BRCC3: variants seen among roughly 807,000 people sequenced by gnomAD.
The protein encoded by BRCC3 is lys-63-specific deubiquitinase BRCC36.
A neutral mutation model predicts 28.0 loss-of-function variants in BRCC3; 15 were observed. The ratio of observed to expected loss-of-function variants is 0.54; its 90% CI spans 0.36 to 0.82. BRCC3 has a LOEUF of 0.82. Ranked by LOEUF, BRCC3 falls within the 40% of genes least tolerant of loss-of-function variation. BRCC3 has a pLI of 0.01. For synonymous variants in BRCC3, 66 were observed against 80.3 expected (o/e 0.82, Z 0.95); for missense variants, 109 against 225.9 (o/e 0.48, Z 3.32).
Position 155,099,366 on chromosome X carries a change from T to G in BRCC3, c.548+8527T>G, listed in dbSNP as rs372306391. 19 of 1,206,468 alleles carry G rather than the reference T, an allele frequency of 1.6e-5. No individual in the cohort carries two copies. In the African/African-American group the frequency reaches 3.2e-4, roughly 20 times the overall value. On this transcript the variant is annotated intron_variant, in intron 7 of 10. Transcript: ENST00000330045. The stretch of plus-strand genomic sequence containing the variant: ...GGAGCTCCAGCCAGCACATCTCCAT[T>G]GAGGGCCAGAAGGAAGAGGAAAGGT...
Position 155,077,215 on chromosome X carries a change from C to A in BRCC3, c.241C>A (p.Arg81=). The part of the protein sequence containing the change: ...IVHIHSVIIL[R]RSDKRKDRVE... ...TCACATTCATTCTGTCATCATCTTACGACGTTCTGATAAGAGGAAGGACCG... is the reference window on the plus strand; with the variant it reads ...TCACATTCATTCTGTCATCATCTTAAGACGTTCTGATAAGAGGAAGGACCG... Residue 81 remains arginine, a synonymous_variant, in exon 4 of 11, where the codon CGA becomes AGA. Transcript: ENST00000330045. The A allele has an allele frequency of 2.5e-6, 3 of 1,191,336 alleles. No individual in the cohort carries two copies. Among genetic ancestry groups the A allele is most frequent in the Non-Finnish European group, 3.4e-6 (3 of 882,140 alleles).
intron 7 of BRCC3, among the ~76,000 whole-genome samples, chrX:155,113,528 G>A (rs1323480476): frequency 9.0e-6 from 1 of 110,938 alleles, no homozygotes; most frequent in African/African-American, 3.3e-5. Context: ...ATAAGACCCC[G>A]AACTACAAAA....
At chrX:155,099,300 G>A in intron 7 of BRCC3, 2 of 1,206,443 alleles carry the variant, frequency 1.7e-6, no homozygotes, top group Non-Finnish European at 2.2e-6. Context: ...CTTGGTGTGT[G>A]GTTTCCATCC....
At position 155,075,360 on chromosome X, in the gene BRCC3, C is replaced by T. The variant is rs1557293448; in HGVS notation, c.196-1810C>T. Among the ~76,000 whole-genome samples, 25 of 57,773 alleles carry T rather than the reference C, an allele frequency of 4.3e-4. 1 individual carries two copies. Among genetic ancestry groups the T allele is most frequent in the Admixed American group, 3.6e-3 (20 of 5,577 alleles). The allele number at this position is 57,773 out of a possible 115,157, so 50.2% of individuals were successfully genotyped here. ...CCCTTGATTCAGGCCAAGACCTCTG[C>T]TCCCTTTCTCCACACCTTTTTTGTC... is the stretch of plus-strand genomic sequence containing the variant. On this transcript the variant is annotated intron_variant, in intron 3 of 10. Transcript: ENST00000330045.
At chrX:155,099,187 T>G (rs923187855) in intron 7 of BRCC3, 363 of 425,848 alleles carry the variant, frequency 8.5e-4, no homozygotes, top group Middle Eastern at 3.0e-3. Context: ...TTAGAAATGT[T>G]TTTTTTTTTT....
intron 7 of BRCC3, among the ~76,000 whole-genome samples, chrX:155,110,586 T>C (rs1486901020): frequency 9.1e-6 from 1 of 110,338 alleles, no homozygotes; most frequent in Non-Finnish European, 1.9e-5. Flanking sequence ...TTGATCAGTC[T>C]TGGTGGGGGT....
chrX:155,072,429 C>A, intron 2 of BRCC3, 86 bp downstream of exon 2: 1 of 724,063 alleles, frequency 1.4e-6, no homozygotes, highest in Non-Finnish European at 2.1e-6. Context: ...GTATTGTGTC[C>A]GGATCGTGTC....
intron 1 of BRCC3, 133 bp downstream of exon 1, chrX:155,071,783 T>C: frequency 5.4e-6 from 4 of 738,781 alleles, no homozygotes; most frequent in Non-Finnish European, 7.7e-6. Flanking sequence ...ACCCTTTACA[T>C]AGCTCTGTCG....
At chrX:155,074,743 A>G (rs1336082608) in intron 3 of BRCC3, among the ~76,000 whole-genome samples, 1 of 111,958 alleles carries the variant, frequency 8.9e-6, no homozygotes. Flanking sequence ...TAGATATTAA[A>G]CTTTATTAGT....
At chrX:155,090,045 A>G (rs782787706) in intron 6 of BRCC3, among the ~76,000 whole-genome samples, 3 of 112,505 alleles carry the variant, frequency 2.7e-5, no homozygotes, top group African/African-American at 9.7e-5. Context: ...ACTACCATTT[A>G]TCACCTATTG....
chrX:155,090,790 C>T lies in BRCC3; in HGVS notation c.499C>T (p.Arg167Trp), dbSNP rs189136889. The T allele has an allele frequency of 2.5e-6, 3 of 1,191,683 alleles. No homozygotes were observed. The highest frequency in any genetic ancestry group is 1.8e-5 in the African/African-American group (1 of 56,618). Residue 167 changes from arginine (R) to tryptophan (W), a missense_variant, in exon 7 of 11, where the codon CGG becomes TGG. Transcript: ENST00000330045. ...TTCTTTTTTCCTTTGATAGACTGGCCGGGTACTCTACACTTGCTTCCAATC... is the reference window on the plus strand; with the variant it reads ...TTCTTTTTTCCTTTGATAGACTGGCTGGGTACTCTACACTTGCTTCCAATC... ...FIEDKNTKTG[R>W]VLYTCFQSIQ...
Position 155,102,552 on chromosome X carries a change from G to A in BRCC3, c.548+11713G>A, listed in dbSNP as rs1003807791. On this transcript the variant is annotated intron_variant, in intron 7 of 10. Coordinates refer to ENST00000330045, the MANE Select transcript of BRCC3 (RefSeq NM_001018055.3). The stretch of plus-strand genomic sequence containing the variant: ...GCAGTTTCACTTGTTTCTTTCCAAT[G>A]TGGATGCCTTCTGTTTATTTATTTA... 7.1e-5 allele frequency among the ~76,000 whole-genome samples: 8 copies of A among 111,894 alleles called. 1 individual carries two copies. In the Admixed American group the frequency reaches 7.6e-4, roughly 11 times the overall value.
At chrX:155,085,045 C>T (rs1557294614) in intron 5 of BRCC3, among the ~76,000 whole-genome samples, 2 of 111,884 alleles carry the variant, frequency 1.8e-5, no homozygotes, top group Non-Finnish European at 3.8e-5. Context: ...TTTCCAATGG[C>T]CTCCACATGT....
At chrX:155,118,862 T>C (rs1438597659) in intron 9 of BRCC3, among the ~76,000 whole-genome samples, 2 of 111,681 alleles carry the variant, frequency 1.8e-5, no homozygotes, top group Non-Finnish European at 3.8e-5. Context: ...ATATCCAAAT[T>C]ATAACATGGG....
At position 155,116,750 on chromosome X, in the gene BRCC3, C is replaced by A; in HGVS notation, c.720C>A (p.Gly240=). ...HLDSVTKIHN[G]SVFTKNLCSQ... is the part of the protein sequence containing the mutation. ...ACTCAGTAACCAAGATCCATAATGGCTCAGGTAAGAATTGTTTCTTGAGTA... is the reference window on the plus strand; with the variant it reads ...ACTCAGTAACCAAGATCCATAATGGATCAGGTAAGAATTGTTTCTTGAGTA... Residue 240 remains glycine, a synonymous_variant, in exon 9 of 11, where the codon GGC becomes GGA. Coordinates refer to ENST00000330045, the MANE Select transcript of BRCC3 (RefSeq NM_001018055.3). 8.6e-7 allele frequency: 1 copy of A among 1,164,746 alleles called. No individual in the cohort carries two copies.
intron 7 of BRCC3, among the ~76,000 whole-genome samples, chrX:155,091,828 T>C (rs2074177572): frequency 9.2e-6 from 1 of 109,274 alleles, no homozygotes. Context: ...TTGGTAGTAA[T>C]ACACAAATAT....
At chrX:155,107,550 C>G (rs943163621) in intron 7 of BRCC3, among the ~76,000 whole-genome samples, 2 of 110,760 alleles carry the variant, frequency 1.8e-5, no homozygotes, top group Non-Finnish European at 1.9e-5. Context: ...TGGCCAATGT[C>G]TAGTCATTTT....
intron 7 of BRCC3, among the ~76,000 whole-genome samples, chrX:155,092,759 C>T (rs891048907): frequency 9.0e-6 from 1 of 110,907 alleles, no homozygotes; most frequent in Non-Finnish European, 1.9e-5. Flanking sequence ...CATTCTGGGA[C>T]TTTCCTTCAT....
At chrX:155,072,887 C>T (rs1404786893) in intron 2 of BRCC3, among the ~76,000 whole-genome samples, 2 of 110,686 alleles carry the variant, frequency 1.8e-5, no homozygotes, top group Non-Finnish European at 3.8e-5. Context: ...TTCTGTCTCC[C>T]CTTAAATGCC....
Sources: allele counts gnomAD v4.1 joint callset (sites outside exome capture counted in the v4.1 genomes callset), GRCh38; gene constraint gnomAD v4.1.1; transcripts MANE v1.5; gene names NCBI Gene and HGNC (gene_info 2026-07-23, HGNC 2026-07-21).